The following KLF8 variants were observed in gnomAD, a reference collection of about 807,000 sequenced individuals.
The protein encoded by KLF8 is KLF transcription factor 8, also known as Krueppel-like factor 8.
In KLF8, 10 loss-of-function variants were observed where a neutral mutation model predicts 18.2. That is an observed-to-expected ratio of 0.55 (90% confidence interval 0.34 to 0.93). KLF8 has a LOEUF of 0.93. Ranked by LOEUF, KLF8 falls within the 40% of genes least tolerant of loss-of-function variation. KLF8 has a pLI of 0.02. For synonymous variants in KLF8, 109 were observed against 97.3 expected (o/e 1.12, Z -0.71); for missense variants, 264 against 277.9 (o/e 0.95, Z 0.36).
Position 56,250,302 on chromosome X carries a change from C to T in KLF8, c.79C>T (p.Gln27Ter). The T allele has an allele frequency of 8.4e-7, 1 of 1,191,976 alleles. No homozygotes were observed. The highest frequency in any genetic ancestry group is 1.1e-6 in the Non-Finnish European group (1 of 877,947). Residue 27 changes from glutamine (Q) to a stop codon, truncating the protein, a stop_gained and splice_region_variant, in exon 2 of 6, where the codon CAG becomes TAG. Transcript: ENST00000468660. LOFTEE classifies it high-confidence loss of function. ...AGGTGGCTCAATGCAGGTATTCAAG[C>T]AGGTCAGTTATCAGGAAAATAGGGT... Reference protein sequence around the residue: ...SEGGSMQVFKQVTASVRNRDP... With the variant: ...SEGGSMQVFK
the KLF8 span, among the ~76,000 whole-genome samples, chrX:56,075,118 G>A: frequency 9.2e-6 from 1 of 109,266 alleles, no homozygotes; most frequent in Non-Finnish European, 1.9e-5. Context: ...CAACAATTTT[G>A]TTTTCCCTTT....
At chrX:56,213,350 TCA>T in the KLF8 span, among the ~76,000 whole-genome samples, 1 of 87,632 alleles carries the variant, frequency 1.1e-5, no homozygotes. Flanking sequence ...TGAGACAGTT[TCA>T]CTCTTGTTGC....
upstream of KLF8, among the ~76,000 whole-genome samples, chrX:56,232,263 G>A (rs1395817475): frequency 9.0e-6 from 1 of 111,586 alleles, no homozygotes; most frequent in Non-Finnish European, 1.9e-5. Flanking sequence ...GGCGGCCGCC[G>A]GAGGCGAGGC....
the KLF8 span, among the ~76,000 whole-genome samples, chrX:56,189,173 G>C: frequency 9.0e-6 from 1 of 110,994 alleles, no homozygotes; most frequent in Non-Finnish European, 1.9e-5. Flanking sequence ...AAATTTACAA[G>C]AAAAAAAGCA....
chrX:55,951,827 G>T, the KLF8 span, among the ~76,000 whole-genome samples: 4 of 111,114 alleles, frequency 3.6e-5, no homozygotes, highest in African/African-American at 1.3e-4. Flanking sequence ...TGATAACTGG[G>T]TCCCAATCCT....
At chrX:55,962,525 GTC>G in the KLF8 span, 576 of 182,129 alleles carry the variant, frequency 3.2e-3, 4 homozygotes, top group African/African-American at 0.016. Context: ...TCTGTCTTCA[GTC>G]TCTGCTATTG....
the KLF8 span, among the ~76,000 whole-genome samples, chrX:56,097,584 T>C: frequency 9.5e-6 from 1 of 105,536 alleles, no homozygotes; most frequent in African/African-American, 3.4e-5. Flanking sequence ...TAGTTACATA[T>C]GTATACATGT....
At chrX:56,005,977 C>T in the KLF8 span, among the ~76,000 whole-genome samples, 8 of 112,624 alleles carry the variant, frequency 7.1e-5, no homozygotes, top group Admixed American at 5.6e-4. Flanking sequence ...CGTGGCCAGG[C>T]TTAGACCCTG....
At chrX:56,211,759 A>G in the KLF8 span, among the ~76,000 whole-genome samples, 1 of 111,357 alleles carries the variant, frequency 9.0e-6, no homozygotes, top group African/African-American at 3.3e-5. Context: ...AGTCCTTCCC[A>G]GTCTTTCCTT....
chrX:56,033,596 C>CT, the KLF8 span, among the ~76,000 whole-genome samples: 1 of 111,948 alleles, frequency 8.9e-6, no homozygotes, highest in Non-Finnish European at 1.9e-5. Context: ...CCACCACACA[C>CT]TTTTTTATAA....
chrX:56,038,994 G>A, the KLF8 span, among the ~76,000 whole-genome samples: 3 of 111,712 alleles, frequency 2.7e-5, no homozygotes, highest in Admixed American at 1.9e-4. Context: ...ATGTTTGATG[G>A]CCCCATTTAT....
the KLF8 span, among the ~76,000 whole-genome samples, chrX:56,130,012 G>A: frequency 1.8e-5 from 2 of 109,793 alleles, no homozygotes; most frequent in African/African-American, 6.6e-5. Context: ...CCCCACAGCA[G>A]CCTCAGTAAG....
At chrX:56,199,372 G>T in the KLF8 span, among the ~76,000 whole-genome samples, 7 of 111,318 alleles carry the variant, frequency 6.3e-5, no homozygotes, top group Admixed American at 3.8e-4. Context: ...AATCTACAAA[G>T]AACTCTAACA....
At chrX:55,918,763 TCTTCA>T in the KLF8 span, among the ~76,000 whole-genome samples, 13 of 111,686 alleles carry the variant, frequency 1.2e-4, no homozygotes, top group Admixed American at 2.8e-4. Flanking sequence ...TGTGTGTGTG[TCTTCA>T]CTTGTCACTT....
the KLF8 span, among the ~76,000 whole-genome samples, chrX:56,135,670 T>C: frequency 3.6e-5 from 4 of 110,517 alleles, no homozygotes; most frequent in East Asian, 5.6e-4. Context: ...CTGCACATTG[T>C]GCACATGTAC....
chrX:55,986,847 C>T, the KLF8 span, among the ~76,000 whole-genome samples: 1 of 111,502 alleles, frequency 9.0e-6, no homozygotes, highest in Non-Finnish European at 1.9e-5. Context: ...TCATCTTCTC[C>T]CAGCCATCAC....
the KLF8 span, among the ~76,000 whole-genome samples, chrX:56,186,527 T>C: frequency 3.6e-5 from 4 of 111,396 alleles, no homozygotes; most frequent in Non-Finnish European, 5.6e-5. Flanking sequence ...CAAGCGGACC[T>C]AATAGACATC....
chrX:56,160,464 G>T, the KLF8 span, among the ~76,000 whole-genome samples: 33 of 111,279 alleles, frequency 3.0e-4, no homozygotes, highest in Admixed American at 3.1e-3. Flanking sequence ...CTGTCTCGTT[G>T]ATCTGTCTAA....
the KLF8 span, among the ~76,000 whole-genome samples, chrX:56,156,492 G>C: frequency 9.1e-6 from 1 of 109,405 alleles, no homozygotes; most frequent in African/African-American, 3.3e-5. Context: ...GACATATTTG[G>C]TTTCCTGGTC....
Sources: gnomAD v4.1 joint callset for allele counts (sites outside exome capture counted in the v4.1 genomes callset) on GRCh38, gnomAD v4.1.1 for gene constraint, MANE v1.5 for transcripts, NCBI Gene and HGNC (gene_info 2026-07-23, HGNC 2026-07-21) for gene names.